ATP2B2: variants seen among roughly 807,000 people sequenced by gnomAD.
The protein encoded by ATP2B2 is ATPase plasma membrane Ca2+ transporting 2.
ATP2B2 carries 15 observed loss-of-function variants against 120.0 expected under a neutral mutation model. The ratio of observed to expected loss-of-function variants is 0.12; its 90% CI spans 0.08 to 0.19. The LOEUF (loss-of-function observed/expected upper bound fraction) is 0.19, where lower values mean the gene tolerates loss of function less well. ATP2B2 is among the 10% of genes least tolerant of loss of function. ATP2B2 has a pLI of 1.00. For synonymous variants in ATP2B2, 694 were observed against 700.3 expected (o/e 0.99, Z 0.14); for missense variants, 1,045 against 1,719.8 (o/e 0.61, Z 6.94).
rs548274355 is a variant in ATP2B2, at chr3:10,370,657, C to T, written c.1659+1152G>A. Among the ~76,000 whole-genome samples the T allele has an allele frequency of 3.9e-5, 6 of 152,328 alleles. No homozygotes were observed. The East Asian group carries it at 7.7e-4, about 20-fold the overall frequency. ...CCCTTGGCTCTTTGCTGCTGACTCA[C>T]GCTCTCTTCCCCATTTCGATAAAGC... On this transcript the variant is annotated intron_variant, in intron 12 of 22. Transcript: ENST00000360273.
At chr3:10,682,713 C>T (rs2071412100) in intron 1 of ATP2B2, among the ~76,000 whole-genome samples, 1 of 152,162 alleles carries the variant, frequency 6.6e-6, no homozygotes, top group Non-Finnish European at 1.5e-5. Flanking sequence ...AAGGCTAACA[C>T]AAGAAACCCC....
chr3:10,693,231 C>G (rs974910270), intron 1 of ATP2B2, among the ~76,000 whole-genome samples: 3 of 152,186 alleles, frequency 2.0e-5, no homozygotes, highest in Admixed American at 2.0e-4. Context: ...GAAACAGTAT[C>G]TGGTATTTTT....
At chr3:10,566,979 G>C (rs1177364122) in intron 2 of ATP2B2, among the ~76,000 whole-genome samples, 1 of 152,226 alleles carries the variant, frequency 6.6e-6, no homozygotes, top group African/African-American at 2.4e-5. Context: ...CACTGTGCCA[G>C]TTGTATGATA....
At chr3:10,363,915 A>T (rs2060971347) in intron 12 of ATP2B2, among the ~76,000 whole-genome samples, 1 of 152,226 alleles carries the variant, frequency 6.6e-6, no homozygotes, top group Non-Finnish European at 1.5e-5. Flanking sequence ...GTACTCAAAG[A>T]AATATTTGTA....
intron 2 of ATP2B2, among the ~76,000 whole-genome samples, chr3:10,549,820 G>C (rs182919860): frequency 2.6e-3 from 394 of 152,310 alleles, no homozygotes; most frequent in African/African-American, 8.9e-3. Context: ...ATAGAAAAGT[G>C]AAGAGTACAG....
At chr3:10,578,354 C>A (rs1348534821) in intron 2 of ATP2B2, among the ~76,000 whole-genome samples, 1 of 151,118 alleles carries the variant, frequency 6.6e-6, no homozygotes, top group Non-Finnish European at 1.5e-5. Context: ...ATCATCCTGG[C>A]TAACATGGTG....
intron 1 of ATP2B2, among the ~76,000 whole-genome samples, chr3:10,469,998 C>T (rs543492482): frequency 2.8e-4 from 42 of 152,112 alleles, no homozygotes; most frequent in African/African-American, 8.9e-4. Flanking sequence ...AATAGAACAG[C>T]GCAGCCCCCG....
rs79337507 is a variant in ATP2B2, at chr3:10,361,920, G to A, written c.1660-1797C>T. 4.1e-3 allele frequency among the ~76,000 whole-genome samples: 624 copies of A among 152,274 alleles called. 3 individuals are homozygous for A. The highest frequency in any genetic ancestry group is 6.5e-3 in the Non-Finnish European group (440 of 68,022). ...GTGGGGGAGACTGGTTAATGGTAAG[G>A]ACGAGATGCCTCCATATGGGCACTG... is the stretch of plus-strand genomic sequence containing the variant. On this transcript the variant is annotated intron_variant, in intron 12 of 22. Coordinates refer to ENST00000360273, the MANE Select transcript of ATP2B2 (RefSeq NM_001001331.4).
chr3:10,373,330 T>A (rs918367391), intron 11 of ATP2B2, among the ~76,000 whole-genome samples: 1 of 152,180 alleles, frequency 6.6e-6, no homozygotes, highest in African/African-American at 2.4e-5. Context: ...CCTACCTCCG[T>A]TTAACCTCAC....
chr3:10,329,211 G>C lies in ATP2B2; in HGVS notation c.3421-86C>G. ...CTCACAGGAGGGGCGGGTGGGAGAA[G>C]GGTTAGGGCAAAGCAGGTGGCTGGA... On this transcript the variant is annotated intron_variant, in intron 22 of 22. Transcript: ENST00000360273. This position sits in a 1 kb window ranked among gnomAD's most constrained non-coding sequence, Gnocchi z 5.9. 7.9e-7 allele frequency: 1 copy of C among 1,266,758 alleles called. No individual in the cohort carries two copies. The allele number at this position is 1,266,758 out of a possible 1,614,324, so 78.5% of individuals were successfully genotyped here. A position where few individuals can be genotyped will look rare whatever the true frequency, so the allele number is the denominator to read the frequency against.
chr3:10,369,491 T>A (rs1286021994), intron 12 of ATP2B2, among the ~76,000 whole-genome samples: 1 of 152,232 alleles, frequency 6.6e-6, no homozygotes, highest in African/African-American at 2.4e-5. Context: ...GGGTCAGTTT[T>A]GCTGCTAATT....
In ATP2B2 at chr3:10,326,526, G is replaced by C; in HGVS notation, c.*2288C>G. ...TGGGGAGATGGAAAACTGTGAGAAA[G>C]GAAACTCCAAAAAACACCATGTTCC... is the stretch of plus-strand genomic sequence containing the variant. On this transcript the variant is annotated 3_prime_UTR_variant, in exon 23 of 23. Coordinates refer to ENST00000360273, the MANE Select transcript of ATP2B2 (RefSeq NM_001001331.4). 2.5e-6 allele frequency: 1 copy of C among 395,626 alleles called. No homozygotes were observed. Among genetic ancestry groups the C allele is most frequent in the Non-Finnish European group, 4.5e-6 (1 of 224,594 alleles). 24.5% of individuals were successfully genotyped at this position (395,626 alleles called of 1,614,324 possible).
chr3:10,558,530 G>C (rs1326004010), intron 2 of ATP2B2, among the ~76,000 whole-genome samples: 1 of 152,186 alleles, frequency 6.6e-6, no homozygotes, highest in Non-Finnish European at 1.5e-5. Context: ...AGTCAGGACT[G>C]AGAGATGGAG....
chr3:10,548,933 G>A (rs2067608627), intron 2 of ATP2B2, among the ~76,000 whole-genome samples: 1 of 152,206 alleles, frequency 6.6e-6, no homozygotes, highest in Admixed American at 6.5e-5. Flanking sequence ...CAGGAAGATG[G>A]AACTAAGAGT....
chr3:10,651,164 G>T (rs1256164710), intron 1 of ATP2B2, among the ~76,000 whole-genome samples: 2 of 152,184 alleles, frequency 1.3e-5, no homozygotes, highest in African/African-American at 4.8e-5. Context: ...TTGAGTTAAT[G>T]CTGAAATAAA....
At chr3:10,594,236 TAAATC>T (rs1360642433) in intron 2 of ATP2B2, among the ~76,000 whole-genome samples, 1 of 152,194 alleles carries the variant, frequency 6.6e-6, no homozygotes, top group East Asian at 1.9e-4. Context: ...CAAAAGATTA[TAAATC>T]ATGCTGCTCT....
chr3:10,508,722 G>C (rs888588648), upstream of ATP2B2, among the ~76,000 whole-genome samples: 1 of 152,192 alleles, frequency 6.6e-6, no homozygotes, highest in African/African-American at 2.4e-5. Flanking sequence ...TGGGGGGCAG[G>C]GGGTATTGGA....
intron 2 of ATP2B2, among the ~76,000 whole-genome samples, chr3:10,419,582 C>A (rs2062903325): frequency 6.6e-6 from 1 of 152,210 alleles, no homozygotes; most frequent in Non-Finnish European, 1.5e-5. Context: ...TCCTATGTGA[C>A]CTTGAGTGGA....
intron 2 of ATP2B2, among the ~76,000 whole-genome samples, chr3:10,430,345 C>G (rs2063277596): frequency 6.6e-6 from 1 of 152,140 alleles, no homozygotes; most frequent in Non-Finnish European, 1.5e-5. Context: ...AAAGGATTCA[C>G]CACTCCAGAT....
Sources: gnomAD v4.1 joint callset for allele counts (sites outside exome capture counted in the v4.1 genomes callset) on GRCh38, gnomAD v4.1.1 for gene constraint, Gnocchi (gnomAD v3.1) non-coding constraint, MANE v1.5 for transcripts, NCBI Gene and HGNC (gene_info 2026-07-23, HGNC 2026-07-21) for gene names.